The following GPD1L variants were observed in gnomAD, a reference collection of about 807,000 sequenced individuals.
The protein encoded by GPD1L is glycerol-3-phosphate dehydrogenase 1-like protein.
Under a neutral mutation model 32.9 loss-of-function variants are expected in GPD1L, and 17 were observed. The ratio of observed to expected loss-of-function variants is 0.52; its 90% CI spans 0.35 to 0.78. The LOEUF is 0.78. Ranked by LOEUF, GPD1L falls within the 30% of genes least tolerant of loss-of-function variation. The pLI is 0.01. For synonymous variants in GPD1L, 187 were observed against 165.9 expected, an observed-to-expected ratio of 1.13 and a Z score of -0.98; for missense variants, 361 against 447.8, an observed-to-expected ratio of 0.81 and a Z score of 1.75.
At chr3:32,165,015 C>T (rs1283596055) in intron 7 of GPD1L, among the ~76,000 whole-genome samples, 1 of 152,080 alleles carries the variant, frequency 6.6e-6, no homozygotes, top group African/African-American at 2.4e-5. Flanking sequence ...ACCAGCCTGA[C>T]CAACATGGTA....
rs376308565 is a variant in GPD1L at position 32,159,103 on chromosome 3, T to A, written c.846T>A (p.Thr282=). 3 of 1,612,390 alleles carry A rather than the reference T, an allele frequency of 1.9e-6. No homozygotes were observed. The African/African-American group carries it at 4.0e-5, about 22-fold the overall frequency. ...NRRVAEAFAR[T]GKTIEELEKE... ...GGGTGGCCGAGGCCTTCGCCAGAACTGGGAAGGTAGCCCCTCACCTGCTCT... is the reference window on the plus strand; with the variant it reads ...GGGTGGCCGAGGCCTTCGCCAGAACAGGGAAGGTAGCCCCTCACCTGCTCT... Residue 282 remains threonine (T), a synonymous_variant, in exon 6 of 8, where the codon ACT becomes ACA. Coordinates refer to ENST00000282541, the MANE Select transcript of GPD1L (RefSeq NM_015141.4).
At chr3:32,146,779 T>A (rs765012418) in intron 5 of GPD1L, 45 bp downstream of exon 5, 3 of 1,066,840 alleles carry the variant, frequency 2.8e-6, no homozygotes, top group Non-Finnish European at 4.4e-6. Flanking sequence ...AAGGCAAATG[T>A]TAGCATCATT....
intron 2 of GPD1L, among the ~76,000 whole-genome samples, chr3:32,129,608 C>T (rs977015592): frequency 6.6e-6 from 1 of 152,168 alleles, no homozygotes; most frequent in Non-Finnish European, 1.5e-5. Flanking sequence ...TCCTGGTGGA[C>T]GCATCCCTGA....
chr3:32,121,725 A>ATATATATATTTCTATATATATATTTC (rs1453604635), intron 1 of GPD1L, among the ~76,000 whole-genome samples: 10 of 127,870 alleles, frequency 7.8e-5, no homozygotes, highest in Non-Finnish European at 1.1e-4. Flanking sequence ...ATATATTTCT[A>ATATATATATTTCTATATATATATTTC]TATATATATT....
At chr3:32,160,182 G>A (rs1338590059) in intron 7 of GPD1L, among the ~76,000 whole-genome samples, 1 of 145,760 alleles carries the variant, frequency 6.9e-6, no homozygotes, top group Non-Finnish European at 1.5e-5. Flanking sequence ...GATGGGATGG[G>A]ATGGAATGGG....
At chr3:32,125,590 T>C (rs1229920313) in intron 1 of GPD1L, among the ~76,000 whole-genome samples, 1 of 152,252 alleles carries the variant, frequency 6.6e-6, no homozygotes, top group African/African-American at 2.4e-5. Flanking sequence ...TGGATCAACA[T>C]GTATTGCAGT....
intron 6 of GPD1L, 108 bp downstream of exon 6, chr3:32,159,217 G>C: frequency 2.4e-6 from 2 of 835,826 alleles, no homozygotes; most frequent in Non-Finnish European, 3.9e-6. Context: ...TATTTGCTGG[G>C]ATTGTTCCGT....
chr3:32,156,117 C>A (rs1326470850), intron 5 of GPD1L, among the ~76,000 whole-genome samples: 1 of 152,164 alleles, frequency 6.6e-6, no homozygotes, highest in Non-Finnish European at 1.5e-5. Context: ...GCACCCGACC[C>A]CCCAGCATCT....
At chr3:32,162,961 G>C (rs556009277) in intron 7 of GPD1L, among the ~76,000 whole-genome samples, 2 of 151,908 alleles carry the variant, frequency 1.3e-5, no homozygotes. Context: ...TTTTTACCAC[G>C]TTGCCCAGGC....
intron 5 of GPD1L, among the ~76,000 whole-genome samples, chr3:32,150,333 T>C (rs1023961584): frequency 6.6e-6 from 1 of 152,188 alleles, no homozygotes; most frequent in Non-Finnish European, 1.5e-5. Context: ...ATCTATGTTA[T>C]CTTTTTTTTC....
intron 1 of GPD1L, among the ~76,000 whole-genome samples, chr3:32,124,121 A>G (rs1700469674): frequency 1.3e-5 from 2 of 152,078 alleles, no homozygotes; most frequent in African/African-American, 2.4e-5. Flanking sequence ...GCTGGAATAC[A>G]GTGGCATGAT....
At chr3:32,134,432 GA>G (rs1213175371) in intron 2 of GPD1L, among the ~76,000 whole-genome samples, 1 of 152,164 alleles carries the variant, frequency 6.6e-6, no homozygotes, top group Non-Finnish European at 1.5e-5. Flanking sequence ...GATTTATTAA[GA>G]AGGAAATGTA....
In GPD1L at chr3:32,168,514, T is replaced by C. The variant is rs1463057017; in HGVS notation, c.*2604T>C. 1.3e-5 allele frequency: 2 copies of C among 152,682 alleles called. No individual in the cohort carries two copies. Among genetic ancestry groups the C allele is most frequent in the Non-Finnish European group, 2.9e-5 (2 of 68,050 alleles). 9.5% of individuals were successfully genotyped at this position (152,682 alleles called of 1,614,324 possible). On this transcript the variant is annotated 3_prime_UTR_variant, in exon 8 of 8. Coordinates refer to ENST00000282541, the MANE Select transcript of GPD1L (RefSeq NM_015141.4). ...AAACTTGTGGTTTTTCATTTAACTT[T>C]TGACTACAGCATGGCCCCATGGCAT...
At chr3:32,150,318 G>A (rs1700896372) in intron 5 of GPD1L, among the ~76,000 whole-genome samples, 1 of 152,070 alleles carries the variant, frequency 6.6e-6, no homozygotes, top group African/African-American at 2.4e-5. Flanking sequence ...TAAGTATATT[G>A]TTTAATCTAT....
chr3:32,112,931 T>G (rs1341590087), intron 1 of GPD1L, among the ~76,000 whole-genome samples: 1 of 152,208 alleles, frequency 6.6e-6, no homozygotes. Context: ...CAACAGTTAG[T>G]AGGTGGACTT....
At chr3:32,118,389 T>C (rs1023219185) in intron 1 of GPD1L, among the ~76,000 whole-genome samples, 8 of 152,124 alleles carry the variant, frequency 5.3e-5, no homozygotes, top group African/African-American at 1.9e-4. Flanking sequence ...CTCTTGGGGA[T>C]TGTGTTACAG....
chr3:32,108,472 A>G (rs984496673), intron 1 of GPD1L, among the ~76,000 whole-genome samples: 1 of 152,252 alleles, frequency 6.6e-6, no homozygotes, highest in African/African-American at 2.4e-5. Context: ...AGATTGCACC[A>G]TCGTACTCTA....
chr3:32,147,010 G>C (rs1269235297), intron 5 of GPD1L, among the ~76,000 whole-genome samples: 11 of 152,196 alleles, frequency 7.2e-5, no homozygotes, highest in Non-Finnish European at 2.9e-5. Flanking sequence ...AAGCATGGGA[G>C]TTCCTTGATG....
At chr3:32,108,039 G>A (rs1043550982) in intron 1 of GPD1L, among the ~76,000 whole-genome samples, 8 of 152,086 alleles carry the variant, frequency 5.3e-5, no homozygotes, top group African/African-American at 7.2e-5. Flanking sequence ...GTGAGCCACC[G>A]CTCCCTGCCT....
Sources: allele counts gnomAD v4.1 joint callset (sites outside exome capture counted in the v4.1 genomes callset), GRCh38; gene constraint gnomAD v4.1.1; transcripts MANE v1.5; gene names NCBI Gene and HGNC (gene_info 2026-07-23, HGNC 2026-07-21).